Variants in TENM2 observed in about 807,000 individuals in gnomAD.
TENM2 encodes the protein teneurin-2.
TENM2 carries 52 observed loss-of-function variants against 245.2 expected under a neutral mutation model. The observed-to-expected ratio is 0.21, with a 90% CI of 0.17 to 0.27. The LOEUF (loss-of-function observed/expected upper bound fraction) is 0.27, where lower values mean the gene tolerates loss of function less well. Among genes scored for constraint, TENM2 ranks in the 10% least tolerant of loss-of-function variants. The pLI is 1.00. For missense variants in TENM2, 3,046 were observed against 3,666.8 expected (o/e 0.83, Z 4.37); for synonymous variants, 1,363 against 1,438.9 (o/e 0.95, Z 1.19).
intron 23 of TENM2, among the ~76,000 whole-genome samples, chr5:168,223,431 C>CTGTT (rs1763844170): frequency 6.7e-6 from 1 of 150,054 alleles, no homozygotes; most frequent in Admixed American, 6.6e-5. Context: ...CCTTTTGTTT[C>CTGTT]TGTTTATTAA....
rs1582358834 is a variant in TENM2 at position 167,549,015 on chromosome 5, C to A, written c.502+173542C>A. On this transcript the variant is annotated intron_variant, in intron 2 of 28. Transcript: ENST00000518659. ...TAGTATCAATAGCAGAATTCTCCTT[C>A]TCCTTTCTCTCTCCGTCCTTCCTCT... Among the ~76,000 whole-genome samples, 3 of 152,340 alleles carry A rather than the reference C, an allele frequency of 2.0e-5. No homozygotes were observed. In the South Asian group the frequency reaches 6.2e-4, roughly 32 times the overall value.
At chr5:167,757,736 C>T (rs147530036) in intron 2 of TENM2, among the ~76,000 whole-genome samples, 88 of 152,314 alleles carry the variant, frequency 5.8e-4, no homozygotes, top group Non-Finnish European at 1.1e-3. Context: ...TGTTTCTCCA[C>T]ATCCTTTCCA....
At chr5:167,313,813 A>C (rs1182342096) in intron 1 of TENM2, among the ~76,000 whole-genome samples, 1 of 152,206 alleles carries the variant, frequency 6.6e-6, no homozygotes, top group African/African-American at 2.4e-5. Context: ...AATTCCAAAT[A>C]ATTAGTACTA....
In TENM2 at chr5:168,197,617, T is replaced by C. The variant is rs538055003; in HGVS notation, c.2901-1236T>C. Among the ~76,000 whole-genome samples the C allele has an allele frequency of 4.0e-5, 6 of 151,620 alleles. No homozygotes were observed. In the South Asian group the frequency reaches 1.3e-3, roughly 32 times the overall value. The stretch of plus-strand genomic sequence containing the variant: ...TGGGAGGCTAAGGCAGGAGAATCAC[T>C]TGAACCCAGGAGGTGGAGGTTGCAA... On this transcript the variant is annotated intron_variant, in intron 15 of 28. Coordinates refer to ENST00000518659, the Ensembl canonical transcript of TENM2.
At chr5:168,014,464 T>A (rs1256135734) in intron 5 of TENM2, among the ~76,000 whole-genome samples, 1 of 152,170 alleles carries the variant, frequency 6.6e-6, no homozygotes, top group Non-Finnish European at 1.5e-5. Flanking sequence ...TAACCACAGC[T>A]ATCTTCATCT....
intron 3 of TENM2, among the ~76,000 whole-genome samples, chr5:167,933,442 G>A (rs1335696766): frequency 1.3e-5 from 2 of 152,104 alleles, no homozygotes; most frequent in Non-Finnish European, 2.9e-5. Context: ...CTATATGACT[G>A]CATAGTACAA....
At chr5:167,288,854 A>C in intron 1 of TENM2, among the ~76,000 whole-genome samples, 1 of 152,236 alleles carries the variant, frequency 6.6e-6, no homozygotes, top group East Asian at 1.9e-4. Context: ...TCCCAAAAAA[A>C]TAAGTAAACA....
At chr5:168,110,921 A>G (rs1015529334) in intron 9 of TENM2, among the ~76,000 whole-genome samples, 13 of 152,210 alleles carry the variant, frequency 8.5e-5, no homozygotes, top group African/African-American at 3.1e-4. Context: ...AATTGAATTA[A>G]TCATAGGCTT....
intron 8 of TENM2, among the ~76,000 whole-genome samples, chr5:168,097,332 C>T (rs1433647288): frequency 1.3e-5 from 2 of 152,182 alleles, no homozygotes; most frequent in Non-Finnish European, 2.9e-5. Flanking sequence ...GTTGTGGGTA[C>T]AGTGTTTAAA....
chr5:167,014,259 T>G, the TENM2 span, among the ~76,000 whole-genome samples: 1 of 151,864 alleles, frequency 6.6e-6, no homozygotes. Flanking sequence ...TAGAGAAAAG[T>G]AAAATACGAC....
chr5:167,204,591 G>A, the TENM2 span, among the ~76,000 whole-genome samples: 35 of 152,302 alleles, frequency 2.3e-4, no homozygotes, highest in Non-Finnish European at 3.1e-4. Flanking sequence ...CATTTCCAGC[G>A]TCAGGCACCA....
intron 2 of TENM2, among the ~76,000 whole-genome samples, chr5:167,569,622 CA>C: frequency 6.6e-6 from 1 of 152,284 alleles, no homozygotes; most frequent in African/African-American, 2.4e-5. Flanking sequence ...ATGGTTCCAG[CA>C]ACAGCCATTT....
At chr5:168,032,640 C>G (rs1305471089) in intron 5 of TENM2, among the ~76,000 whole-genome samples, 1 of 152,164 alleles carries the variant, frequency 6.6e-6, no homozygotes, top group Non-Finnish European at 1.5e-5. Flanking sequence ...AAGAAAAACC[C>G]TCAAGGCAGA....
intron 2 of TENM2, among the ~76,000 whole-genome samples, chr5:167,785,890 C>T (rs867199226): frequency 2.0e-5 from 3 of 152,164 alleles, no homozygotes; most frequent in Non-Finnish European, 2.9e-5. Context: ...AGGATAGCAC[C>T]TGCCTACTTA....
At position 168,114,901 on chromosome 5, in the gene TENM2, G is replaced by A. The variant is rs184828286; in HGVS notation, c.1814-3391G>A. 4.2e-3 allele frequency among the ~76,000 whole-genome samples: 647 copies of A among 152,270 alleles called. 4 individuals are homozygous for A. Among genetic ancestry groups the A allele is most frequent in the Non-Finnish European group, 6.2e-3 (424 of 68,016 alleles). ...TCAAATTTTAAATTTGATTTCCCAA[G>A]CACCTGGTTTTAAATAAAACCCATT... On this transcript the variant is annotated intron_variant, in intron 9 of 28. Transcript: ENST00000518659.
At chr5:167,126,462 T>C in the TENM2 span, among the ~76,000 whole-genome samples, 1 of 152,174 alleles carries the variant, frequency 6.6e-6, no homozygotes, top group Non-Finnish European at 1.5e-5. Context: ...CTAAATGTCC[T>C]TGGTGTTAAA....
chr5:167,413,317 A>G (rs1484449749), intron 2 of TENM2, among the ~76,000 whole-genome samples: 2 of 152,042 alleles, frequency 1.3e-5, no homozygotes, highest in Non-Finnish European at 2.9e-5. Context: ...ATGAAATACG[A>G]TGTATTCAAT....
Position 168,247,812 on chromosome 5 carries a change from C to T in TENM2, c.6873C>T (p.Asn2291=), listed in dbSNP as rs752660312. Reference sequence around the variant, plus strand: ...AGGGCCTCCTAACAAGAGCCTACAACAAGGCCAGCGGGTGGAGTGTCCAGT... The same window carrying T: ...AGGGCCTCCTAACAAGAGCCTACAATAAGGCCAGCGGGTGGAGTGTCCAGT... Residue 2291 remains asparagine (N), a synonymous_variant, in exon 27 of 29, where the codon AAC becomes AAT. Transcript: ENST00000518659. This position sits in a 1 kb window ranked among gnomAD's most constrained non-coding sequence, Gnocchi z 7.8. 6.2e-7 allele frequency: 1 copy of T among 1,614,018 alleles called. No homozygotes were observed. The highest frequency in any genetic ancestry group is 1.7e-5 in the Admixed American group (1 of 60,026).
the TENM2 span, among the ~76,000 whole-genome samples, chr5:167,055,560 A>T: frequency 6.6e-6 from 1 of 152,094 alleles, no homozygotes; most frequent in East Asian, 1.9e-4. Context: ...CTCTCCATTC[A>T]TTCAGTTCTT....
Sources: allele counts gnomAD v4.1 joint callset (sites outside exome capture counted in the v4.1 genomes callset), GRCh38; gene constraint gnomAD v4.1.1; non-coding constraint Gnocchi (gnomAD v3.1); transcripts MANE v1.5; gene names NCBI Gene and HGNC (gene_info 2026-07-23, HGNC 2026-07-21).